Variants in C14orf39 observed in about 807,000 individuals in gnomAD.
C14orf39 encodes the protein chromosome 14 open reading frame 39.
A neutral mutation model predicts 85.6 loss-of-function variants in C14orf39; 66 were observed. That is an observed-to-expected ratio of 0.77 (90% CI 0.63 to 0.95). The LOEUF is 0.95. Ranked by LOEUF, C14orf39 falls within the 40% of genes least tolerant of loss-of-function variation. C14orf39 has a pLI of 0.00. For synonymous variants in C14orf39, 242 were observed against 214.0 expected, an observed-to-expected ratio of 1.13 and a Z score of -1.14; for missense variants, 735 against 663.9, an observed-to-expected ratio of 1.11 and a Z score of -1.18.
intron 1 of C14orf39, among the ~76,000 whole-genome samples, chr14:60,500,226 C>G (rs1893121535): frequency 6.6e-6 from 1 of 152,002 alleles, no homozygotes; most frequent in African/African-American, 2.4e-5. Flanking sequence ...GGGGTTTTAC[C>G]ATGTCGGTCA....
intron 10 of C14orf39, among the ~76,000 whole-genome samples, chr14:60,466,441 C>T (rs1891794683): frequency 6.7e-6 from 1 of 149,882 alleles, no homozygotes; most frequent in Non-Finnish European, 1.5e-5. Flanking sequence ...ATGGTAAATG[C>T]CATTAAATTT....
intron 14 of C14orf39, 121 bp from the exon 15 acceptor site, chr14:60,457,216 AT>A: frequency 6.2e-6 from 3 of 485,120 alleles, no homozygotes; most frequent in Non-Finnish European, 7.0e-6. Context: ...CACAGACAAA[AT>A]AACTGAAATA....
At chr14:60,439,192 C>T (rs1244043773) in intron 17 of C14orf39, among the ~76,000 whole-genome samples, 1 of 151,920 alleles carries the variant, frequency 6.6e-6, no homozygotes, top group East Asian at 1.9e-4. Flanking sequence ...AACTATATAC[C>T]AATAAAAAAT....
intron 13 of C14orf39, among the ~76,000 whole-genome samples, chr14:60,461,090 G>GA (rs1294850646): frequency 2.0e-5 from 3 of 151,716 alleles, no homozygotes; most frequent in South Asian, 2.1e-4. Context: ...AAAATGCATA[G>GA]AAAAAAATGG....
intron 5 of C14orf39, among the ~76,000 whole-genome samples, chr14:60,475,912 A>G (rs938875096): frequency 2.0e-5 from 3 of 152,100 alleles, no homozygotes; most frequent in Non-Finnish European, 2.9e-5. Flanking sequence ...GGTATACTCT[A>G]TGGGGGAGTT....
rs75255569 is a variant in C14orf39 at position 60,484,866 on chromosome 14, T to C, written c.106+15A>G. On this transcript the variant is annotated intron_variant, in intron 3 of 17. Coordinates refer to ENST00000321731, the MANE Select transcript of C14orf39 (RefSeq NM_174978.3). The surrounding 1 kb of genome is among the most constrained non-coding windows in gnomAD (Gnocchi z 4.2). ...TTAAAAGACTAAAATATCTTGATCATGCAAAGCTACTTACTATTAATTCTT... is the reference window on the plus strand; with the variant it reads ...TTAAAAGACTAAAATATCTTGATCACGCAAAGCTACTTACTATTAATTCTT... 0.014 allele frequency: 21,538 copies of C among 1,541,288 alleles called. 191 individuals carry two copies. The highest frequency in any genetic ancestry group is 0.039 in the Middle Eastern group (218 of 5,660).
At position 60,436,910 on chromosome 14, in the gene C14orf39, G is replaced by T. The variant is rs35428582; in HGVS notation, c.1699C>A (p.Pro567Thr). Residue 567 changes from proline to threonine, a missense_variant, in exon 18 of 18, where the codon CCT becomes ACT. Coordinates refer to ENST00000321731, the MANE Select transcript of C14orf39 (RefSeq NM_174978.3). ...FSFGQGQNSI[P>T]SSSLKGFSSS... The stretch of plus-strand genomic sequence containing the variant: ...GAAAAACCTTTTAAAGAAGAAGAAG[G>T]TATTGAATTTTGACCCTGTCCAAAT... 6.8e-6 allele frequency: 11 copies of T among 1,612,050 alleles called. No homozygotes were observed. In the Admixed American group the frequency reaches 1.3e-4, roughly 20 times the overall value.
intron 7 of C14orf39, among the ~76,000 whole-genome samples, chr14:60,470,599 G>T (rs907446493): frequency 2.0e-5 from 3 of 151,724 alleles, no homozygotes; most frequent in African/African-American, 7.3e-5. Context: ...CTATACCAGC[G>T]TCTACTAACT....
intron 1 of C14orf39, among the ~76,000 whole-genome samples, chr14:60,514,683 G>A (rs1208880317): frequency 1.3e-5 from 2 of 152,200 alleles, no homozygotes; most frequent in Non-Finnish European, 2.9e-5. Context: ...CAAATGACAG[G>A]CAAAGAGCTC....
chr14:60,512,013 ATG>A (rs1893302423), intron 1 of C14orf39: 1 of 3,744 alleles, frequency 2.7e-4, no homozygotes, highest in Non-Finnish European at 1.9e-3. Flanking sequence ...ATGTGCATAT[ATG>A]TATGTACCTA....
intron 1 of C14orf39, chr14:60,509,126 G>A: frequency 2.0e-6 from 1 of 503,394 alleles, no homozygotes; most frequent in Non-Finnish European, 3.5e-6. Flanking sequence ...TGGCGCCCGC[G>A]CCGCCAATCC....
chr14:60,442,027 TA>T (rs746204071), intron 17 of C14orf39, 46 bp downstream of exon 17: 10 of 1,327,740 alleles, frequency 7.5e-6, no homozygotes, highest in Non-Finnish European at 1.1e-5. Flanking sequence ...AATACTGTAC[TA>T]ATGAGTTAAC....
intron 14 of C14orf39, among the ~76,000 whole-genome samples, chr14:60,457,314 C>G (rs1891325114): frequency 6.6e-6 from 1 of 151,636 alleles, no homozygotes; most frequent in Non-Finnish European, 1.5e-5. Context: ...CTTTCCAGTT[C>G]CATCTTCCAC....
intron 5 of C14orf39, among the ~76,000 whole-genome samples, chr14:60,478,025 C>T (rs1049051270): frequency 2.6e-5 from 4 of 151,360 alleles, no homozygotes; most frequent in East Asian, 1.9e-4. Flanking sequence ...TAAAAATACA[C>T]AAAATTAGCC....
chr14:60,453,201 A>C (rs1891116617), intron 16 of C14orf39, among the ~76,000 whole-genome samples: 1 of 152,100 alleles, frequency 6.6e-6, no homozygotes, highest in Non-Finnish European at 1.5e-5. Context: ...TTCTCTCTTT[A>C]ATTCTGTTAC....
chr14:60,495,906 C>A (rs1160564632), intron 2 of C14orf39: 3 of 414,826 alleles, frequency 7.2e-6, no homozygotes, highest in Non-Finnish European at 1.4e-5. Context: ...TGGAAGAGCA[C>A]AGAGTCCAGG....
intron 16 of C14orf39, among the ~76,000 whole-genome samples, chr14:60,448,507 C>T (rs1218075295): frequency 6.6e-6 from 1 of 151,898 alleles, no homozygotes; most frequent in Non-Finnish European, 1.5e-5. Flanking sequence ...GTTAGAATGG[C>T]AATTATTAAA....
chr14:60,436,768 A>G lies in C14orf39; in HGVS notation c.*77T>C. The G allele has an allele frequency of 1.1e-6, 1 of 907,102 alleles. No individual in the cohort carries two copies. The allele number at this position is 907,102 out of a possible 1,614,324, so 56.2% of individuals were successfully genotyped here. On this transcript the variant is annotated 3_prime_UTR_variant, in exon 18 of 18. Transcript: ENST00000321731. ...TAATCAATAAAAGAAAGCAGTCTTC[A>G]TGTTTTAAGCAATAATGTAAATTTA...
At chr14:60,446,082 T>C (rs981749412) in intron 16 of C14orf39, among the ~76,000 whole-genome samples, 2 of 152,166 alleles carry the variant, frequency 1.3e-5, no homozygotes, top group African/African-American at 2.4e-5. Context: ...GGGAAATTTA[T>C]AGTACTAAAA....
Sources: allele counts gnomAD v4.1 joint callset (sites outside exome capture counted in the v4.1 genomes callset), GRCh38; gene constraint gnomAD v4.1.1; non-coding constraint Gnocchi (gnomAD v3.1); transcripts MANE v1.5; gene names NCBI Gene and HGNC (gene_info 2026-07-23, HGNC 2026-07-21).